Variants in ASTN2 observed in about 807,000 individuals in gnomAD.
ASTN2 encodes astrotactin-2.
A neutral mutation model predicts 139.8 loss-of-function variants in ASTN2; 54 were observed. The observed-to-expected ratio is 0.39, with a 90% CI of 0.31 to 0.48. The LOEUF is 0.48. ASTN2 is among the 20% of genes least tolerant of loss of function. The pLI, the probability that ASTN2 is intolerant of heterozygous loss-of-function variation, is 0.95. For synonymous variants in ASTN2, 756 were observed against 719.5 expected (o/e 1.05, Z -0.81); for missense variants, 1,565 against 1,725.1 (o/e 0.91, Z 1.64).
At chr9:116,767,698 T>C (rs1829846400) in intron 13 of ASTN2, among the ~76,000 whole-genome samples, 1 of 152,142 alleles carries the variant, frequency 6.6e-6, no homozygotes, top group Admixed American at 6.5e-5. Context: ...TATAACCTCT[T>C]GGTGTACTAT....
chr9:116,881,592 A>C (rs772851705), intron 10 of ASTN2, among the ~76,000 whole-genome samples: 7 of 152,256 alleles, frequency 4.6e-5, no homozygotes, highest in African/African-American at 7.2e-5. Context: ...GCATAAAGCA[A>C]AAATCCAACC....
chr9:116,578,784 C>A, intron 19 of ASTN2, among the ~76,000 whole-genome samples: 1 of 150,760 alleles, frequency 6.6e-6, no homozygotes, highest in Non-Finnish European at 1.5e-5. Flanking sequence ...AAAAAAATAC[C>A]AACTGAGGAA....
intron 22 of ASTN2, among the ~76,000 whole-genome samples, chr9:116,436,090 A>T (rs1847641011): frequency 6.6e-6 from 1 of 152,110 alleles, no homozygotes; most frequent in South Asian, 2.1e-4. Context: ...TGCCATCTTC[A>T]CTCTGTATTT....
chr9:116,522,223 T>C (rs1850906751), intron 19 of ASTN2, among the ~76,000 whole-genome samples: 3 of 152,166 alleles, frequency 2.0e-5, no homozygotes, highest in African/African-American at 2.4e-5. Context: ...TACATGTTTA[T>C]AGCAGCACAA....
intron 3 of ASTN2, among the ~76,000 whole-genome samples, chr9:117,191,939 A>C (rs1243243149): frequency 6.6e-6 from 1 of 152,156 alleles, no homozygotes; most frequent in African/African-American, 2.4e-5. Flanking sequence ...GGAGATGGAA[A>C]AGGATCATGA....
intron 5 of ASTN2, among the ~76,000 whole-genome samples, chr9:117,070,781 C>G (rs1462061910): frequency 1.3e-5 from 2 of 151,898 alleles, no homozygotes; most frequent in South Asian, 4.2e-4. Context: ...TGCTGACACC[C>G]TTTCTTCCAG....
At chr9:117,384,102 C>G (rs1333468864) in intron 1 of ASTN2, among the ~76,000 whole-genome samples, 1 of 152,104 alleles carries the variant, frequency 6.6e-6, no homozygotes, top group African/African-American at 2.4e-5. Flanking sequence ...TAGAGCAGCT[C>G]AAATATGGGC....
intron 1 of ASTN2, among the ~76,000 whole-genome samples, chr9:117,392,343 G>A (rs1165616319): frequency 6.6e-6 from 1 of 152,154 alleles, no homozygotes; most frequent in Non-Finnish European, 1.5e-5. Flanking sequence ...AGAAATCCAA[G>A]GATTACAAGA....
intron 19 of ASTN2, among the ~76,000 whole-genome samples, chr9:116,538,436 G>A (rs7849736): frequency 1 from 151,631 of 152,250 alleles, 75,511 homozygotes; most frequent in Middle Eastern, 1. Context: ...GGGATGTGTG[G>A]CCCATGACTT....
At chr9:116,431,742 C>A (rs1847504351) in intron 22 of ASTN2, among the ~76,000 whole-genome samples, 1 of 152,062 alleles carries the variant, frequency 6.6e-6, no homozygotes, top group Non-Finnish European at 1.5e-5. Flanking sequence ...TACATCTAAT[C>A]CCTAACCCAA....
chr9:117,246,080 T>TC (rs1833373109), intron 2 of ASTN2, among the ~76,000 whole-genome samples: 2 of 152,184 alleles, frequency 1.3e-5, no homozygotes, highest in South Asian at 4.1e-4. Context: ...TAACATGTTT[T>TC]CTAAAGCCTT....
intron 11 of ASTN2, among the ~76,000 whole-genome samples, chr9:116,847,007 C>CAAAAAAAAAAAAAAAA (rs11302692): frequency 7.9e-5 from 6 of 75,862 alleles, no homozygotes; most frequent in African/African-American, 2.0e-4. Flanking sequence ...GCTTCATTCT[C>CAAAAAAAAAAAAAAAA]AAAAAAAAAA....
chr9:116,718,975 C>CGTGTGTGT, intron 16 of ASTN2, among the ~76,000 whole-genome samples: 1 of 116,608 alleles, frequency 8.6e-6, no homozygotes, highest in African/African-American at 3.3e-5. Flanking sequence ...TGTATCTGTA[C>CGTGTGTGT]ATATATATAT....
intron 14 of ASTN2, among the ~76,000 whole-genome samples, chr9:116,732,989 C>T (rs895648849): frequency 1.3e-5 from 2 of 152,156 alleles, no homozygotes; most frequent in Non-Finnish European, 2.9e-5. Flanking sequence ...AGGAGGGGCT[C>T]CTGATTGGAG....
chr9:116,926,470 T>C (rs541001830), intron 10 of ASTN2, among the ~76,000 whole-genome samples: 19 of 152,316 alleles, frequency 1.2e-4, no homozygotes, highest in Admixed American at 3.3e-4. Flanking sequence ...TGCCTTCATG[T>C]TATCGAGTTC....
At chr9:116,984,292 T>C (rs1836612756) in intron 7 of ASTN2, among the ~76,000 whole-genome samples, 1 of 152,246 alleles carries the variant, frequency 6.6e-6, no homozygotes. Context: ...TGGCCAGTTA[T>C]CTTTTCAAAG....
At chr9:116,592,282 C>T (rs1260271743) in intron 19 of ASTN2, among the ~76,000 whole-genome samples, 1 of 152,060 alleles carries the variant, frequency 6.6e-6, no homozygotes, top group Non-Finnish European at 1.5e-5. Flanking sequence ...TGAAGCGTGG[C>T]TGAGGAGGCC....
At chr9:116,923,263 A>C (rs1834664161) in intron 10 of ASTN2, among the ~76,000 whole-genome samples, 1 of 152,190 alleles carries the variant, frequency 6.6e-6, no homozygotes, top group Non-Finnish European at 1.5e-5. Flanking sequence ...CACTTCTAAC[A>C]TCTGGAGGTT....
intron 5 of ASTN2, among the ~76,000 whole-genome samples, chr9:117,074,492 T>G (rs10118188): frequency 0.82 from 124,388 of 152,088 alleles, 51,116 homozygotes; most frequent in South Asian, 0.87. Flanking sequence ...CAGCCCAGCA[T>G]ATACTAGCAG....
Sources: allele counts gnomAD v4.1 joint callset (sites outside exome capture counted in the v4.1 genomes callset), GRCh38; gene constraint gnomAD v4.1.1; transcripts MANE v1.5; gene names NCBI Gene and HGNC (gene_info 2026-07-23, HGNC 2026-07-21).